ZNF286A: variants seen among roughly 807,000 people sequenced by gnomAD.
The protein encoded by ZNF286A is zinc finger protein 286A.
ZNF286A carries 34 observed loss-of-function variants against 49.3 expected under a neutral mutation model. The ratio of observed to expected loss-of-function variants is 0.69; its 90% CI spans 0.52 to 0.92. The LOEUF is 0.92. Ranked by LOEUF, ZNF286A falls within the 40% of genes least tolerant of loss-of-function variation. The probability of loss-of-function intolerance (pLI) is 0.00; values close to 1 mark genes in which losing one functional copy is unlikely to be tolerated. For synonymous variants in ZNF286A, 155 were observed against 200.4 expected (o/e 0.77, Z 1.91); for missense variants, 462 against 600.2 (o/e 0.77, Z 2.41).
rs543785388 is a variant in ZNF286A, at chr17:15,709,099, C to T, written c.334+852C>T. On this transcript the variant is annotated intron_variant, in intron 5 of 5. Transcript: ENST00000583566. ...TCTAGTTGTTCCACATGCTTGTCAA[C>T]ACTTAATATTGCTTGTTTTCATTTT... 5.3e-5 allele frequency among the ~76,000 whole-genome samples: 8 copies of T among 152,182 alleles called. No homozygotes were observed. The South Asian group carries it at 1.7e-3, about 32-fold the overall frequency.
In ZNF286A at chr17:15,706,465, G is replaced by GTGA; in HGVS notation, c.208_210dup (p.Met70dup). 1.9e-6 allele frequency: 3 copies of GTGA among 1,613,146 alleles called. No individual in the cohort carries two copies. Among genetic ancestry groups the GTGA allele is most frequent in the Middle Eastern group, 1.7e-4 (1 of 6,060 alleles). ...GAAGCTGGATCCTGCACAAAGGGAT[G>GTGA]TGATGCTGGAGAACTATAGGAACCT... On this transcript the variant is annotated inframe_insertion, in exon 4 of 6. Transcript: ENST00000583566.
In ZNF286A at chr17:15,716,713, AAT is replaced by A. The variant is rs1444706333; in HGVS notation, c.990_991del (p.Cys331TrpfsTer5). 1 of 1,613,844 alleles carries A rather than the reference AAT, an allele frequency of 6.2e-7. No individual in the cohort carries two copies. Among genetic ancestry groups the A allele is most frequent in the Non-Finnish European group, 8.5e-7 (1 of 1,179,876 alleles). On this transcript the variant is annotated frameshift_variant, in exon 6 of 6. Coordinates refer to ENST00000583566, the MANE Select transcript of ZNF286A (RefSeq NM_001130842.2). LOFTEE classifies it high-confidence loss of function. ...GGAGAGAGACCTTATGAATGCAATGAATGTGGGAAAGGTTTTAATCGAAGTAC... is the reference window on the plus strand; with the variant it reads ...GGAGAGAGACCTTATGAATGCAATGAGTGGGAAAGGTTTTAATCGAAGTAC...
In ZNF286A at chr17:15,716,320, A is replaced by G. The variant is rs1967048473; in HGVS notation, c.596A>G (p.Asn199Ser). 3 of 1,613,916 alleles carry G rather than the reference A, an allele frequency of 1.9e-6. No individual in the cohort carries two copies. The highest frequency in any genetic ancestry group is 2.2e-5 in the East Asian group (1 of 44,876). Residue 199 changes from asparagine to serine, a missense_variant, in exon 6 of 6, where the codon AAT (asparagine) becomes AGT (serine). Coordinates refer to ENST00000583566, the MANE Select transcript of ZNF286A (RefSeq NM_001130842.2). Reference protein sequence around the residue: ...HKHDVYWKSFNQKSVLITEDR... With the variant: ...HKHDVYWKSFSQKSVLITEDR... ...CATGATGTATACTGGAAAAGCTTCA[A>G]TCAGAAATCTGTCCTTATCACTGAA...
intron 5 of ZNF286A, among the ~76,000 whole-genome samples, chr17:15,715,152 C>G (rs1417035036): frequency 6.6e-6 from 1 of 151,938 alleles, no homozygotes; most frequent in African/African-American, 2.4e-5. Context: ...TCTGCCCTCT[C>G]TCCCATGTTC....
At chr17:15,704,291 C>A (rs1466377889) in intron 3 of ZNF286A, 200 of 1,609,236 alleles carry the variant, frequency 1.2e-4, no homozygotes, top group Non-Finnish European at 1.6e-4. Flanking sequence ...AGCTTCTTAT[C>A]GCGCTCGCCA....
rs1194437988 is a variant in ZNF286A at position 15,699,782 on chromosome 17, G to A, written c.-196+5G>A. 1 of 702,782 alleles carries A rather than the reference G, an allele frequency of 1.4e-6. No individual in the cohort carries two copies. Among genetic ancestry groups the A allele is most frequent in the Non-Finnish European group, 2.6e-6 (1 of 384,896 alleles). The allele number at this position is 702,782 out of a possible 1,614,324, so 43.5% of individuals were successfully genotyped here. On this transcript the variant is annotated splice_donor_5th_base_variant and intron_variant, in intron 1 of 5. Transcript: ENST00000583566. ...TTGTGAGGCCCGGGATGGGAGGTGA[G>A]TTGCTTGTGGTGATGTCGCTCGTCT...
chr17:15,707,333 G>A (rs954461432), intron 4 of ZNF286A, among the ~76,000 whole-genome samples: 3 of 151,794 alleles, frequency 2.0e-5, no homozygotes, highest in Non-Finnish European at 4.4e-5. Flanking sequence ...CCAGCTACTC[G>A]GGAGGCTGAG....
chr17:15,708,047 A>G, intron 4 of ZNF286A, 108 bp from the exon 5 acceptor site: 1 of 585,060 alleles, frequency 1.7e-6, no homozygotes, highest in Non-Finnish European at 2.6e-6. Flanking sequence ...GAAAGTTGGA[A>G]TTCACTAAGG....
At chr17:15,704,928 CCCGGCCCCCTT>C (rs1157358162) in intron 3 of ZNF286A, 1 of 1,567,746 alleles carries the variant, frequency 6.4e-7, no homozygotes, top group African/African-American at 1.4e-5. Context: ...GGCGGGTCCC[CCCGGCCCCCTT>C]CCTGCGTTCT....
chr17:15,717,946 T>TTTC lies in ZNF286A; in HGVS notation c.*658_*659insCTT, dbSNP rs1205992904. ...ACATCATTGATTTTTTTTTTTTTTT[T>TTTC]TTTTTGAGACAGAGTCTTGCTCTGT... On this transcript the variant is annotated 3_prime_UTR_variant, in exon 6 of 6. Transcript: ENST00000583566. 1 of 147,502 alleles carries TTTC rather than the reference T, an allele frequency of 6.8e-6. No individual in the cohort carries two copies. The highest frequency in any genetic ancestry group is 2.0e-4 in the East Asian group (1 of 5,058). The allele number at this position is 147,502 out of a possible 1,614,324, so 9.1% of individuals were successfully genotyped here.
At chr17:15,711,749 G>T (rs143863127) in intron 5 of ZNF286A, among the ~76,000 whole-genome samples, 3,376 of 151,966 alleles carry the variant, frequency 0.022, 54 homozygotes, top group South Asian at 0.046. Context: ...ATTTAGCAAA[G>T]TAGGCAGCAG....
rs1967063233 is a variant in ZNF286A, at chr17:15,716,473, A to G, written c.749A>G (p.Glu250Gly). Residue 250 changes from glutamate (E) to glycine (G), a missense_variant, in exon 6 of 6, where the codon GAA (glutamate) becomes GGA (glycine). Physicochemically the swap from Glu to Gly is moderately conservative, Grantham distance 98 (BLOSUM62 -2). Transcript: ENST00000583566. ...CCTCATAAATGTAATGATTGTGGTG[A>G]ACTCTTCACCTACCATTCAGTGCTT... ...KKPHKCNDCGELFTYHSVLIR... is the reference protein window; with the variant it reads ...KKPHKCNDCGGLFTYHSVLIR... 1 of 1,613,980 alleles carries G rather than the reference A, an allele frequency of 6.2e-7. No individual in the cohort carries two copies.
chr17:15,702,717 T>C (rs1989879549), intron 3 of ZNF286A, among the ~76,000 whole-genome samples: 1 of 152,214 alleles, frequency 6.6e-6, no homozygotes, highest in African/African-American at 2.4e-5. Context: ...TCAACTGTCT[T>C]ACATTAGTCT....
At chr17:15,704,407 G>A in intron 3 of ZNF286A, 2 of 1,606,392 alleles carry the variant, frequency 1.2e-6, no homozygotes, top group Non-Finnish European at 1.7e-6. Context: ...CCCGGCTTCG[G>A]CCCTGCCGCT....
intron 5 of ZNF286A, 46 bp downstream of exon 5, chr17:15,708,293 A>T: frequency 6.8e-7 from 1 of 1,473,006 alleles, no homozygotes; most frequent in East Asian, 2.4e-5. Flanking sequence ...GCCCAGCAGG[A>T]CAATGAAGAA....
At chr17:15,702,719 C>T (rs1989879817) in intron 3 of ZNF286A, among the ~76,000 whole-genome samples, 1 of 152,200 alleles carries the variant, frequency 6.6e-6, no homozygotes. Context: ...AACTGTCTTA[C>T]ATTAGTCTTG....
chr17:15,712,123 T>C (rs1455717280), intron 5 of ZNF286A, among the ~76,000 whole-genome samples: 6 of 152,184 alleles, frequency 3.9e-5, no homozygotes, highest in African/African-American at 7.2e-5. Context: ...CCGCCCTCCT[T>C]GGCCTCCCAA....
rs915855071 is a variant in ZNF286A, at chr17:15,720,768, T to C, written c.*3478T>C. The C allele has an allele frequency of 6.6e-6, 1 of 152,194 alleles. No individual in the cohort carries two copies. Among genetic ancestry groups the C allele is most frequent in the African/African-American group, 2.4e-5 (1 of 41,438 alleles). The allele number at this position is 152,194 out of a possible 1,614,324, so 9.4% of individuals were successfully genotyped here. A position where few individuals can be genotyped will look rare whatever the true frequency, so the allele number is the denominator to read the frequency against. ...TGGCTCACTTGTCAATAAAGATGTT[T>C]GTATATGTATTGTCAGAAACTTTTG... On this transcript the variant is annotated 3_prime_UTR_variant, in exon 6 of 6. Coordinates refer to ENST00000583566, the MANE Select transcript of ZNF286A (RefSeq NM_001130842.2).
In ZNF286A at chr17:15,720,430, T is replaced by G. The variant is rs894370552; in HGVS notation, c.*3140T>G. 1.6e-4 allele frequency: 24 copies of G among 149,518 alleles called. No homozygotes were observed. The highest frequency in any genetic ancestry group is 6.0e-4 in the African/African-American group (24 of 40,332). The allele number at this position is 149,518 out of a possible 1,614,324, so 9.3% of individuals were successfully genotyped here. ...ATAAAGATGGGACGTGACTTCTTTC[T>G]GCTCTTGCTTCCATCTGGTGCTGTT... On this transcript the variant is annotated 3_prime_UTR_variant, in exon 6 of 6. Coordinates refer to ENST00000583566, the MANE Select transcript of ZNF286A (RefSeq NM_001130842.2).
Sources: gnomAD v4.1 joint callset for allele counts (sites outside exome capture counted in the v4.1 genomes callset) on GRCh38, gnomAD v4.1.1 for gene constraint, MANE v1.5 for transcripts, NCBI Gene and HGNC (gene_info 2026-07-23, HGNC 2026-07-21) for gene names.